The following ZNF385A variants were observed in gnomAD, a reference collection of about 807,000 sequenced individuals.
ZNF385A encodes zinc finger protein 385A.
Under a neutral mutation model 32.1 loss-of-function variants are expected in ZNF385A, and 14 were observed. The observed-to-expected ratio is 0.44, with a 90% CI of 0.29 to 0.68. The LOEUF is 0.68. Ranked by LOEUF, ZNF385A falls within the 30% of genes least tolerant of loss-of-function variation. The probability of loss-of-function intolerance (pLI) is 0.14; values close to 1 mark genes in which losing one functional copy is unlikely to be tolerated. For missense variants in ZNF385A, 406 were observed against 478.4 expected (o/e 0.85, Z 1.41); for synonymous variants, 197 against 202.7 (o/e 0.97, Z 0.24).
intron 1 of ZNF385A, among the ~76,000 whole-genome samples, chr12:54,382,417 C>A (rs1006806456): frequency 6.6e-6 from 1 of 152,028 alleles, no homozygotes; most frequent in Non-Finnish European, 1.5e-5. Flanking sequence ...GTGTCTGGGT[C>A]CCTCATTTGG....
At position 54,374,054 on chromosome 12, in the gene ZNF385A, C is replaced by T; in HGVS notation, c.280G>A (p.Glu94Lys). The change falls in exon 3 of 7, where the codon GAG becomes AAG. Residue 94 changes from glutamate (E) to lysine (K), a missense_variant. Transcript: ENST00000394313. Reference protein sequence around the residue: ...GIEAAKTRGREPGVREPGDPA... With the variant: ...GIEAAKTRGRKPGVREPGDPA... ...TCTCCAGGTTCTCGGACGCCAGGCT[C>T]CCTGCCTCTGGTCTTGGCAGCCTCA... is the stretch of plus-strand genomic sequence containing the variant. The T allele has an allele frequency of 6.2e-7, 1 of 1,602,886 alleles. No homozygotes were observed. The highest frequency in any genetic ancestry group is 8.5e-7 in the Non-Finnish European group (1 of 1,172,576).
In ZNF385A at chr12:54,371,021, G is replaced by A; in HGVS notation, c.680C>T (p.Pro227Leu). The A allele has an allele frequency of 6.2e-7, 1 of 1,614,192 alleles. No individual in the cohort carries two copies. The highest frequency in any genetic ancestry group is 1.7e-5 in the Admixed American group (1 of 60,024). Residue 227 changes from proline (P) to leucine (L), a missense_variant, in exon 5 of 7, where the codon CCC becomes CTC. Pro to Leu is a moderately conservative substitution (Grantham distance 98, BLOSUM62 -3). Coordinates refer to ENST00000394313, the MANE Select transcript of ZNF385A (RefSeq NM_015481.3). ...AGGAGCCTCTGGTTCCCCCGGGGTG[G>A]GAGGCCCCAGCCGAGGGTAAGCTTT... is the stretch of plus-strand genomic sequence containing the variant. Reference protein sequence around the residue: ...PIKAYPRLGPPTPGEPEAPAQ... With the variant: ...PIKAYPRLGPLTPGEPEAPAQ...
chr12:54,387,464 C>G (rs1038194702), upstream of ZNF385A, among the ~76,000 whole-genome samples: 11 of 152,248 alleles, frequency 7.2e-5, no homozygotes, highest in African/African-American at 2.4e-4. Context: ...CTCTTGGTTT[C>G]AGGTAGCCCA....
chr12:54,384,765 GTCCT>G, upstream of ZNF385A: 1 of 1,256,094 alleles, frequency 8.0e-7, no homozygotes, highest in Non-Finnish European at 1.0e-6. Flanking sequence ...GTGTAGACCA[GTCCT>G]TCCCTTCTGG....
chr12:54,370,799 A>T lies in ZNF385A; in HGVS notation c.775-78T>A. 1.3e-6 allele frequency: 2 copies of T among 1,591,436 alleles called. No individual in the cohort carries two copies. The highest frequency in any genetic ancestry group is 8.5e-7 in the Non-Finnish European group (1 of 1,169,694). On this transcript the variant is annotated intron_variant, in intron 5 of 6. Coordinates refer to ENST00000394313, the MANE Select transcript of ZNF385A (RefSeq NM_015481.3). This position sits in a 1 kb window ranked among gnomAD's most constrained non-coding sequence, Gnocchi z 5.5. ...GAGGGAGTATAATCAAGCTCCAAGC[A>T]CCGGCCCCCTCCCATCTGGCCCCCT...
chr12:54,380,923 C>T (rs993468462), intron 1 of ZNF385A, among the ~76,000 whole-genome samples: 2 of 151,966 alleles, frequency 1.3e-5, no homozygotes, highest in Non-Finnish European at 2.9e-5. Context: ...ATTGGCCGGG[C>T]GCAGTGGCTC....
chr12:54,377,902 C>T lies in ZNF385A; in HGVS notation c.88-1948G>A, dbSNP rs1466027231. 2.0e-5 allele frequency among the ~76,000 whole-genome samples: 3 copies of T among 152,114 alleles called. 1 individual carries two copies. The highest frequency in any genetic ancestry group is 2.0e-4 in the Admixed American group (3 of 15,274). On this transcript the variant is annotated intron_variant, in intron 1 of 6. Coordinates refer to ENST00000394313, the MANE Select transcript of ZNF385A (RefSeq NM_015481.3). The stretch of plus-strand genomic sequence containing the variant: ...GGGAAGCAGAGTCTCCTAGTTCTGC[C>T]TATGCTCTGCCCCATCATGCCAGCC...
At chr12:54,372,043 C>A (rs1328137687) in intron 3 of ZNF385A, among the ~76,000 whole-genome samples, 1 of 152,200 alleles carries the variant, frequency 6.6e-6, no homozygotes, top group Non-Finnish European at 1.5e-5. Context: ...CAGTGGCCTG[C>A]CAGCCAGTCT....
intron 1 of ZNF385A, among the ~76,000 whole-genome samples, chr12:54,377,719 T>G (rs1954918598): frequency 6.6e-6 from 1 of 152,224 alleles, no homozygotes; most frequent in Admixed American, 6.5e-5. Flanking sequence ...GCCTTAATCC[T>G]TCCTATTTAG....
chr12:54,371,498 C>T lies in ZNF385A; in HGVS notation c.579G>A (p.Leu193=), dbSNP rs770254383. 8.7e-6 allele frequency: 14 copies of T among 1,609,730 alleles called. No individual in the cohort carries two copies. The African/African-American group carries it at 1.9e-4, about 22-fold the overall frequency. ...CTTTGTTATGTGCCTCAAGCTGGGA[C>T]AGGGAGTTCACAGCCACCTTGCACA... ...CALCKVAVNS[L]SQLEAHNKGT... is the part of the protein sequence containing the mutation. The change falls in exon 4 of 7, where the codon CTG becomes CTA. Residue 193 remains leucine (L), a synonymous_variant. Coordinates refer to ENST00000394313, the MANE Select transcript of ZNF385A (RefSeq NM_015481.3).
At chr12:54,373,830 T>A (rs1371504723) in intron 3 of ZNF385A, 143 bp downstream of exon 3, 1 of 842,602 alleles carries the variant, frequency 1.2e-6, no homozygotes, top group East Asian at 3.1e-5. Flanking sequence ...TCACTGTGCC[T>A]GGCTCCAGGA....
At chr12:54,389,796 G>T (rs554774655) in intron 1 of ZNF385A, among the ~76,000 whole-genome samples, 10 of 152,228 alleles carry the variant, frequency 6.6e-5, no homozygotes, top group African/African-American at 2.2e-4. Flanking sequence ...CATCAGGGTG[G>T]TATTCATAGA....
upstream of ZNF385A, chr12:54,384,883 C>G (rs1955390916): frequency 1.8e-6 from 2 of 1,086,548 alleles, no homozygotes; most frequent in Non-Finnish European, 2.2e-6. Flanking sequence ...GCCTGCTGAA[C>G]CAGCAGGACT....
Position 54,371,720 on chromosome 12 carries a change from T to A in ZNF385A, c.362-5A>T. On this transcript the variant is annotated splice_region_variant and splice_polypyrimidine_tract_variant and intron_variant, in intron 3 of 6. Transcript: ENST00000394313. ...CCAGTCCATTCTCCATGGAAACTGT[T>A]GTTGGGGGAGAAACATGGGGATCAC... is the stretch of plus-strand genomic sequence containing the variant. 6.2e-7 allele frequency: 1 copy of A among 1,611,394 alleles called. No individual in the cohort carries two copies. The highest frequency in any genetic ancestry group is 1.7e-5 in the Admixed American group (1 of 59,038).
At position 54,373,968 on chromosome 12, in the gene ZNF385A, C is replaced by A; in HGVS notation, c.361+5G>T. 1.3e-6 allele frequency: 2 copies of A among 1,489,672 alleles called. No homozygotes were observed. The highest frequency in any genetic ancestry group is 1.8e-6 in the Non-Finnish European group (2 of 1,110,300). The allele number at this position is 1,489,672 out of a possible 1,614,324, so 92.3% of individuals were successfully genotyped here. On this transcript the variant is annotated splice_donor_5th_base_variant and intron_variant, in intron 3 of 6. Coordinates refer to ENST00000394313, the MANE Select transcript of ZNF385A (RefSeq NM_015481.3). The stretch of plus-strand genomic sequence containing the variant: ...GTTGAAGAATATGCGGGGATTCAGA[C>A]ACACCTGGACGGGGTGCTACACCAT...
In ZNF385A at chr12:54,384,675, C is replaced by A. The variant is rs1463560169; in HGVS notation, c.-161G>T. On this transcript the variant is annotated 5_prime_UTR_variant, in exon 1 of 7. Coordinates refer to ENST00000394313, the MANE Select transcript of ZNF385A (RefSeq NM_015481.3). ...AGGGCCCCCACACTCAGAAGTGTCACCCTCAGTGCACATAGTGTACACACT... is the reference window on the plus strand; with the variant it reads ...AGGGCCCCCACACTCAGAAGTGTCAACCTCAGTGCACATAGTGTACACACT... 1.3e-5 allele frequency: 18 copies of A among 1,411,782 alleles called. No individual in the cohort carries two copies. In the South Asian group the frequency reaches 2.0e-4, roughly 16 times the overall value. The allele number at this position is 1,411,782 out of a possible 1,614,324, so 87.5% of individuals were successfully genotyped here.
intron 4 of ZNF385A, 99 bp from the exon 5 acceptor site, chr12:54,371,195 A>G: frequency 7.4e-7 from 1 of 1,358,850 alleles, no homozygotes; most frequent in Non-Finnish European, 9.9e-7. Context: ...ATGAGGGGGA[A>G]GAGGGTGGGC....
At position 54,370,904 on chromosome 12, in the gene ZNF385A, C is replaced by T; in HGVS notation, c.774+23G>A. On this transcript the variant is annotated intron_variant, in intron 5 of 6. Coordinates refer to ENST00000394313, the MANE Select transcript of ZNF385A (RefSeq NM_015481.3). This position sits in a 1 kb window ranked among gnomAD's most constrained non-coding sequence, Gnocchi z 5.5. ...TTAGCGGGTGGAGCGTCCCAGAATT[C>T]CTGGGAAGGGCCTTAGACCCACCTG... 6.2e-7 allele frequency: 1 copy of T among 1,614,060 alleles called. No homozygotes were observed. The highest frequency in any genetic ancestry group is 8.5e-7 in the Non-Finnish European group (1 of 1,179,900).
At chr12:54,379,182 C>T (rs1240280595) in intron 1 of ZNF385A, 14 of 978,580 alleles carry the variant, frequency 1.4e-5, no homozygotes, top group Non-Finnish European at 1.7e-5. Flanking sequence ...CCGGGCGGCT[C>T]GGGGCTGTGC....
Sources: allele counts gnomAD v4.1 joint callset (sites outside exome capture counted in the v4.1 genomes callset), GRCh38; gene constraint gnomAD v4.1.1; non-coding constraint Gnocchi (gnomAD v3.1); transcripts MANE v1.5; gene names NCBI Gene and HGNC (gene_info 2026-07-23, HGNC 2026-07-21).